CWH43: variants seen among roughly 807,000 people sequenced by gnomAD.
CWH43 encodes cell wall biogenesis 43 C-terminal homolog.
Under a neutral mutation model 85.7 loss-of-function variants are expected in CWH43, and 91 were observed. The ratio of observed to expected loss-of-function variants is 1.06; its 90% CI spans 0.90 to 1.26. CWH43 has a LOEUF of 1.26. CWH43 is among the 50% of genes most tolerant of loss of function. The pLI is 0.00. For synonymous variants in CWH43, 323 were observed against 293.6 expected, an observed-to-expected ratio of 1.10 and a Z score of -1.02; for missense variants, 869 against 839.2, an observed-to-expected ratio of 1.04 and a Z score of -0.44.
intron 5 of CWH43, among the ~76,000 whole-genome samples, chr4:48,996,152 T>A (rs1782805587): frequency 6.6e-6 from 1 of 152,212 alleles, no homozygotes; most frequent in Non-Finnish European, 1.5e-5. Flanking sequence ...TCTGCCTTGA[T>A]GTCCTGGCAA....
chr4:49,058,790 TC>T (rs1785048839), intron 15 of CWH43, among the ~76,000 whole-genome samples: 1 of 152,192 alleles, frequency 6.6e-6, no homozygotes, highest in Non-Finnish European at 1.5e-5. Flanking sequence ...CATCTCAATT[TC>T]TTTTGGCCTG....
At position 49,061,811 on chromosome 4, in the gene CWH43, G is replaced by T. The variant is rs1245459043; in HGVS notation, c.2022-1G>T. 6 of 1,378,478 alleles carry T rather than the reference G, an allele frequency of 4.4e-6. No individual in the cohort carries two copies. Among genetic ancestry groups the T allele is most frequent in the African/African-American group, 1.5e-5 (1 of 67,076 alleles). The allele number at this position is 1,378,478 out of a possible 1,614,324, so 85.4% of individuals were successfully genotyped here. A position where few individuals can be genotyped will look rare whatever the true frequency, so the allele number is the denominator to read the frequency against. Reference sequence around the variant, plus strand: ...TTTTTATTTATTTTTTATTTTTTTAGATTTGGATCCTACAAAGAAGGACAC... The same window carrying T: ...TTTTTATTTATTTTTTATTTTTTTATATTTGGATCCTACAAAGAAGGACAC... On this transcript the variant is annotated splice_acceptor_variant, in intron 15 of 15. Coordinates refer to ENST00000226432, the MANE Select transcript of CWH43 (RefSeq NM_025087.3). LOFTEE classifies it high-confidence loss of function.
Position 49,007,224 on chromosome 4 carries a change from C to G in CWH43, c.1084C>G (p.Leu362Val), listed in dbSNP as rs1233419248. The change falls in exon 8 of 16, where the codon CTG (leucine) becomes GTG (valine). Residue 362 changes from leucine to valine, a missense_variant. Coordinates refer to ENST00000226432, the MANE Select transcript of CWH43 (RefSeq NM_025087.3). ...LLGTMMLIIG[L>V]NMLFGPKKNL... is the part of the protein sequence containing the mutation. ...AGGGACAATGATGTTAATTATCGGG[C>G]TGAATATGCTATTTGGTCCTAAGAA... The G allele has an allele frequency of 6.2e-7, 1 of 1,610,662 alleles. No homozygotes were observed. Among genetic ancestry groups the G allele is most frequent in the Admixed American group, 1.7e-5 (1 of 59,710 alleles).
At chr4:49,007,378 C>G (rs773997932) in intron 8 of CWH43, 52 bp downstream of exon 8, 28 of 1,452,158 alleles carry the variant, frequency 1.9e-5, no homozygotes, top group Non-Finnish European at 2.4e-5. Context: ...AAATTCTAAA[C>G]GTATGAAATT....
In CWH43 at chr4:48,992,081, A is replaced by G. The variant is rs762735118; in HGVS notation, c.502A>G (p.Ile168Val). The G allele has an allele frequency of 5.6e-6, 9 of 1,613,626 alleles. No homozygotes were observed. Residue 168 changes from isoleucine to valine, a missense_variant, in exon 4 of 16, where the codon ATT becomes GTT. Physicochemically the swap from Ile to Val is conservative, Grantham distance 29 (BLOSUM62 3). Coordinates refer to ENST00000226432, the MANE Select transcript of CWH43 (RefSeq NM_025087.3). This position sits in a 1 kb window ranked among gnomAD's most constrained non-coding sequence, Gnocchi z 4.3. Reference protein sequence around the residue: ...TLSAIATLDRIGTDGDCSKPE... With the variant: ...TLSAIATLDRVGTDGDCSKPE... ...AAGTGCCATAGCCACACTTGATCGTATTGGCACAGGTAATACTGTAACTTA... is the reference window on the plus strand; with the variant it reads ...AAGTGCCATAGCCACACTTGATCGTGTTGGCACAGGTAATACTGTAACTTA...
At chr4:49,051,393 A>G (rs1263083997) in intron 15 of CWH43, among the ~76,000 whole-genome samples, 2 of 152,170 alleles carry the variant, frequency 1.3e-5, no homozygotes, top group South Asian at 4.1e-4. Flanking sequence ...TCACCTGGAC[A>G]GCTTTTAAAA....
chr4:49,002,452 G>T (rs1484968572), intron 6 of CWH43, among the ~76,000 whole-genome samples: 3 of 152,140 alleles, frequency 2.0e-5, no homozygotes. Flanking sequence ...TCTTTAATAT[G>T]TGGTACAATT....
chr4:49,040,746 A>C (rs1577700938), intron 13 of CWH43, among the ~76,000 whole-genome samples: 1 of 152,104 alleles, frequency 6.6e-6, no homozygotes, highest in Non-Finnish European at 1.5e-5. Flanking sequence ...TCTTTAGTTT[A>C]ATTAGATCCC....
chr4:49,014,404 T>G (rs891613142), intron 8 of CWH43, among the ~76,000 whole-genome samples: 1 of 148,806 alleles, frequency 6.7e-6, no homozygotes, highest in Non-Finnish European at 1.5e-5. Flanking sequence ...AGGTCAAGGC[T>G]GCAGTGATGG....
chr4:49,057,170 C>G lies in CWH43; in HGVS notation c.2022-4642C>G, dbSNP rs536004982. Among the ~76,000 whole-genome samples, 13 of 152,292 alleles carry G rather than the reference C, an allele frequency of 8.5e-5. No homozygotes were observed. In the East Asian group the frequency reaches 1.5e-3, roughly 18 times the overall value. On this transcript the variant is annotated intron_variant, in intron 15 of 15. Coordinates refer to ENST00000226432, the MANE Select transcript of CWH43 (RefSeq NM_025087.3). ...ATTTTGCCAAAGTTAAGGATGCACA[C>G]CTGTGACACAGCCTCAGGAGGTCCT...
chr4:49,044,595 G>A (rs1784563996), intron 13 of CWH43, among the ~76,000 whole-genome samples, 191 bp from the exon 14 acceptor site: 2 of 152,176 alleles, frequency 1.3e-5, no homozygotes, highest in Admixed American at 6.5e-5. Flanking sequence ...CTAGATAGGC[G>A]CACAGTAGGT....
chr4:49,044,781 A>G lies in CWH43; in HGVS notation c.1804-5A>G. ...TTAAACATTCTCCTCTCTGCTCTTTATTAGGATATCGACAGCACTGATCAT... is the reference window on the plus strand; with the variant it reads ...TTAAACATTCTCCTCTCTGCTCTTTGTTAGGATATCGACAGCACTGATCAT... On this transcript the variant is annotated splice_region_variant and splice_polypyrimidine_tract_variant and intron_variant, in intron 13 of 15. Transcript: ENST00000226432. 3 of 1,611,376 alleles carry G rather than the reference A, an allele frequency of 1.9e-6. No individual in the cohort carries two copies. Among genetic ancestry groups the G allele is most frequent in the Non-Finnish European group, 2.5e-6 (3 of 1,178,330 alleles).
chr4:49,023,036 T>C (rs1313214628), intron 9 of CWH43, among the ~76,000 whole-genome samples: 2 of 152,222 alleles, frequency 1.3e-5, no homozygotes, highest in African/African-American at 4.8e-5. Flanking sequence ...CAATATCATT[T>C]AATTCTGCTC....
At chr4:49,041,661 G>C (rs1403954215) in intron 13 of CWH43, among the ~76,000 whole-genome samples, 1 of 152,112 alleles carries the variant, frequency 6.6e-6, no homozygotes, top group African/African-American at 2.4e-5. Context: ...GTAAAAGTGT[G>C]GGCAGGTGAA....
chr4:49,006,966 G>A (rs1449230034), intron 7 of CWH43, among the ~76,000 whole-genome samples: 1 of 152,180 alleles, frequency 6.6e-6, no homozygotes, highest in African/African-American at 2.4e-5. Context: ...AAAGAAATAT[G>A]TATCGGGAAA....
At chr4:48,998,631 G>A (rs1230944423) in intron 6 of CWH43, 83 bp downstream of exon 6, 2 of 980,572 alleles carry the variant, frequency 2.0e-6, no homozygotes. Flanking sequence ...TCGACTGAAA[G>A]TAGATACAAC....
Position 49,032,769 on chromosome 4 carries a change from C to T in CWH43, c.1658+54C>T. 7 of 1,581,212 alleles carry T rather than the reference C, an allele frequency of 4.4e-6. No individual in the cohort carries two copies. In the South Asian group the frequency reaches 4.4e-5, roughly 10 times the overall value. ...CACAAATGCCAAGAAATGTTATTAACAATGTACTTTGATTTCTATGAAATC... is the reference window on the plus strand; with the variant it reads ...CACAAATGCCAAGAAATGTTATTAATAATGTACTTTGATTTCTATGAAATC... On this transcript the variant is annotated intron_variant, in intron 12 of 15. Transcript: ENST00000226432.
chr4:49,019,741 A>G lies in CWH43; in HGVS notation c.1266+2413A>G, dbSNP rs144421899. Among the ~76,000 whole-genome samples the G allele has an allele frequency of 2.8e-3, 432 of 151,926 alleles. 2 individuals are homozygous for G. The highest frequency in any genetic ancestry group is 0.01 in the African/African-American group (420 of 41,438). On this transcript the variant is annotated intron_variant, in intron 9 of 15. Transcript: ENST00000226432. ...ATTACAGGCGCACACCACCATGCCC[A>G]GCTAATTTTTGTATTTTTAGCAGAG...
intron 6 of CWH43, among the ~76,000 whole-genome samples, chr4:49,003,170 G>T (rs1157862862): frequency 6.6e-6 from 1 of 152,182 alleles, no homozygotes; most frequent in Non-Finnish European, 1.5e-5. Context: ...GCAGGCTGTT[G>T]GGTAATGAAT....
Sources: allele counts gnomAD v4.1 joint callset (sites outside exome capture counted in the v4.1 genomes callset), GRCh38; gene constraint gnomAD v4.1.1; non-coding constraint Gnocchi (gnomAD v3.1); transcripts MANE v1.5; gene names NCBI Gene and HGNC (gene_info 2026-07-23, HGNC 2026-07-21).